TRERF1: variants seen among roughly 807,000 people sequenced by gnomAD.
The protein encoded by TRERF1 is transcriptional-regulating factor 1.
A neutral mutation model predicts 122.9 loss-of-function variants in TRERF1; 27 were observed. That is an observed-to-expected ratio of 0.22 (90% confidence interval 0.16 to 0.30). The LOEUF (loss-of-function observed/expected upper bound fraction) is 0.30, where lower values mean the gene tolerates loss of function less well. Among genes scored for constraint, TRERF1 ranks in the 10% least tolerant of loss-of-function variants. TRERF1 has a pLI of 1.00. For missense variants in TRERF1, 1,248 were observed against 1,560.3 expected, an observed-to-expected ratio of 0.80 and a Z score of 3.37; for synonymous variants, 636 against 641.7, an observed-to-expected ratio of 0.99 and a Z score of 0.13.
intron 2 of TRERF1, among the ~76,000 whole-genome samples, chr6:42,414,203 A>T (rs1028828997): frequency 6.6e-6 from 1 of 152,242 alleles, no homozygotes; most frequent in Non-Finnish European, 1.5e-5. Flanking sequence ...AAGCATCTGG[A>T]CTTAAAGCAT....
intron 2 of TRERF1, among the ~76,000 whole-genome samples, chr6:42,390,479 A>G (rs1341661585): frequency 3.3e-5 from 5 of 152,344 alleles, no homozygotes; most frequent in African/African-American, 1.2e-4. Flanking sequence ...TTCTGAGTAC[A>G]TATCGCAAGC....
intron 3 of TRERF1, among the ~76,000 whole-genome samples, chr6:42,351,257 G>A (rs929541379): frequency 1.3e-5 from 2 of 152,106 alleles, no homozygotes; most frequent in Non-Finnish European, 2.9e-5. Context: ...TTAATACTGA[G>A]TTCACTCCCA....
At chr6:42,424,824 T>A (rs1429556894) in intron 2 of TRERF1, among the ~76,000 whole-genome samples, 1 of 152,370 alleles carries the variant, frequency 6.6e-6, no homozygotes, top group Non-Finnish European at 1.5e-5. Context: ...CGTACACTTT[T>A]CTTTCATAGC....
At chr6:42,435,612 A>G (rs1785191198) in intron 2 of TRERF1, among the ~76,000 whole-genome samples, 1 of 152,192 alleles carries the variant, frequency 6.6e-6, no homozygotes, top group Non-Finnish European at 1.5e-5. Flanking sequence ...AAGGATATTT[A>G]TCAAAGTATT....
chr6:42,259,403 GC>G lies in TRERF1; in HGVS notation c.2204del (p.Gly735AlafsTer8). ...GCGTCAGGGGCAGCTGCGGGTGGGCGCCAGGGCCGTGGCCGGAGATGAGGAC... is the reference window on the plus strand; with the variant it reads ...GCGTCAGGGGCAGCTGCGGGTGGGCGCAGGGCCGTGGCCGGAGATGAGGAC... On this transcript the variant is annotated frameshift_variant, in exon 9 of 18. Transcript: ENST00000372922. LOFTEE classifies it high-confidence loss of function. The surrounding 1 kb of genome is among the most constrained non-coding windows in gnomAD (Gnocchi z 4.9). The G allele has an allele frequency of 6.5e-7, 1 of 1,539,078 alleles. No homozygotes were observed. The highest frequency in any genetic ancestry group is 8.7e-7 in the Non-Finnish European group (1 of 1,152,014).
chr6:42,417,253 T>C (rs79010629), intron 2 of TRERF1, among the ~76,000 whole-genome samples: 12,712 of 152,128 alleles, frequency 0.084, 682 homozygotes, highest in African/African-American at 0.15. Flanking sequence ...AAATGGCCCA[T>C]TCCCCTCTCA....
At chr6:42,424,218 C>T (rs1783271530) in intron 2 of TRERF1, among the ~76,000 whole-genome samples, 1 of 152,166 alleles carries the variant, frequency 6.6e-6, no homozygotes, top group African/African-American at 2.4e-5. Context: ...ATGCTGCCCA[C>T]GTAAGCAAGT....
intron 5 of TRERF1, among the ~76,000 whole-genome samples, chr6:42,266,895 C>G (rs886184771): frequency 6.6e-6 from 1 of 152,208 alleles, no homozygotes; most frequent in African/African-American, 2.4e-5. Flanking sequence ...CTCTCTAGTT[C>G]ACAGTCACCA....
intron 2 of TRERF1, among the ~76,000 whole-genome samples, chr6:42,406,185 G>A (rs1780152336): frequency 1.3e-5 from 2 of 152,220 alleles, no homozygotes; most frequent in African/African-American, 4.8e-5. Flanking sequence ...GCTGGCAGCT[G>A]TAAAGCTGGG....
intron 2 of TRERF1, among the ~76,000 whole-genome samples, chr6:42,391,663 T>C (rs1329540542): frequency 6.6e-6 from 1 of 152,090 alleles, no homozygotes; most frequent in Non-Finnish European, 1.5e-5. Flanking sequence ...TAAGAGCCTA[T>C]ACTCTCCCAT....
At chr6:42,377,881 T>G (rs1775191539) in intron 2 of TRERF1, among the ~76,000 whole-genome samples, 1 of 152,222 alleles carries the variant, frequency 6.6e-6, no homozygotes, top group South Asian at 2.1e-4. Context: ...CAGCACTGGC[T>G]TTAGGAACAT....
At chr6:42,347,839 C>T (rs997093712) in intron 3 of TRERF1, among the ~76,000 whole-genome samples, 8 of 152,212 alleles carry the variant, frequency 5.3e-5, no homozygotes, top group African/African-American at 1.9e-4. Flanking sequence ...CAGAGCTGGA[C>T]AAAGTCTGCA....
At chr6:42,446,731 G>C (rs1787590661) in intron 2 of TRERF1, among the ~76,000 whole-genome samples, 1 of 152,164 alleles carries the variant, frequency 6.6e-6, no homozygotes, top group African/African-American at 2.4e-5. Flanking sequence ...AGCCGGGTGT[G>C]GTGCCTCACG....
At position 42,259,596 on chromosome 6, in the gene TRERF1, G is replaced by C; in HGVS notation, c.2012C>G (p.Pro671Arg). 6.2e-7 allele frequency: 1 copy of C among 1,613,912 alleles called. No homozygotes were observed. Among genetic ancestry groups the C allele is most frequent in the Non-Finnish European group, 8.5e-7 (1 of 1,179,930 alleles). The change falls in exon 9 of 18, where the codon CCG becomes CGG. Residue 671 changes from proline to arginine, a missense_variant. By Grantham distance (103) the Pro-to-Arg change is moderately radical. Around this residue, in one of 5 missense-constraint regions of TRERF1, gnomAD observed 946 missense variants for 1,073.0 expected, o/e 0.88. Coordinates refer to ENST00000372922, the Ensembl canonical transcript of TRERF1. The surrounding 1 kb of genome is among the most constrained non-coding windows in gnomAD (Gnocchi z 4.9). Reference sequence around the variant, plus strand: ...GCCCGAGTAGGAGGCAGCGGGGTTCGGGTTGTAGGAGGGCGGCGGCGGGAT... The same window carrying C: ...GCCCGAGTAGGAGGCAGCGGGGTTCCGGTTGTAGGAGGGCGGCGGCGGGAT...
At chr6:42,280,328 C>CTCCGAGGA in intron 4 of TRERF1, among the ~76,000 whole-genome samples, 1 of 152,334 alleles carries the variant, frequency 6.6e-6, no homozygotes, top group Middle Eastern at 3.4e-3. Flanking sequence ...TCCTCCAGGC[C>CTCCGAGGA]TCCGAGGATC....
At chr6:42,402,238 C>T (rs1779492599) in intron 2 of TRERF1, among the ~76,000 whole-genome samples, 1 of 152,154 alleles carries the variant, frequency 6.6e-6, no homozygotes, top group Non-Finnish European at 1.5e-5. Context: ...TCTTTTTAGA[C>T]CCCTGAGGCT....
At chr6:42,446,735 C>T (rs1004551815) in intron 2 of TRERF1, among the ~76,000 whole-genome samples, 1 of 152,142 alleles carries the variant, frequency 6.6e-6, no homozygotes, top group African/African-American at 2.4e-5. Context: ...GGGTGTGGTG[C>T]CTCACGCCTG....
intron 3 of TRERF1, among the ~76,000 whole-genome samples, chr6:42,326,710 G>T (rs1764354084): frequency 6.6e-6 from 1 of 152,174 alleles, no homozygotes; most frequent in African/African-American, 2.4e-5. Context: ...CCACAAGCTT[G>T]TTTTTAACTA....
At chr6:42,289,273 C>T (rs1322520036) in intron 4 of TRERF1, among the ~76,000 whole-genome samples, 1 of 151,598 alleles carries the variant, frequency 6.6e-6, no homozygotes, top group Non-Finnish European at 1.5e-5. Flanking sequence ...CTGCAGTGAG[C>T]CGTTATCATG....
Sources: allele counts gnomAD v4.1 joint callset (sites outside exome capture counted in the v4.1 genomes callset), GRCh38; gene constraint gnomAD v4.1.1; regional missense constraint gnomAD v4.1.1; non-coding constraint Gnocchi (gnomAD v3.1); transcripts MANE v1.5; gene names NCBI Gene and HGNC (gene_info 2026-07-23, HGNC 2026-07-21).